PSKH1: variants seen among roughly 807,000 people sequenced by gnomAD.
PSKH1 encodes protein serine kinase H1.
A neutral mutation model predicts 26.7 loss-of-function variants in PSKH1; 12 were observed. That is an observed-to-expected ratio of 0.45 (90% CI 0.29 to 0.73). PSKH1 has a LOEUF of 0.73. Ranked by LOEUF, PSKH1 falls within the 30% of genes least tolerant of loss-of-function variation. The probability of loss-of-function intolerance (pLI) is 0.11; values close to 1 mark genes in which losing one functional copy is unlikely to be tolerated. For synonymous variants in PSKH1, 213 were observed against 234.3 expected (o/e 0.91, Z 0.83); for missense variants, 431 against 595.2 (o/e 0.72, Z 2.87).
intron 1 of PSKH1, among the ~76,000 whole-genome samples, chr16:67,897,170 A>G (rs1404440272): frequency 6.6e-6 from 1 of 152,210 alleles, no homozygotes; most frequent in Non-Finnish European, 1.5e-5. Flanking sequence ...CAATAGTATC[A>G]TTCTATCATT....
At chr16:67,894,360 G>T (rs894929486) in intron 1 of PSKH1, among the ~76,000 whole-genome samples, 3 of 152,138 alleles carry the variant, frequency 2.0e-5, no homozygotes, top group African/African-American at 7.2e-5. Flanking sequence ...TGGCTTTGTT[G>T]CCAGAGCTGG....
At chr16:67,907,321 C>T (rs1272896752) in intron 1 of PSKH1, among the ~76,000 whole-genome samples, 4 of 150,326 alleles carry the variant, frequency 2.7e-5, no homozygotes, top group Admixed American at 6.7e-5. Flanking sequence ...AGTGGGGTGG[C>T]GCAGTGTCAG....
At chr16:67,900,540 A>T (rs1443503203) in intron 1 of PSKH1, among the ~76,000 whole-genome samples, 1 of 152,148 alleles carries the variant, frequency 6.6e-6, no homozygotes, top group Non-Finnish European at 1.5e-5. Context: ...GCACTGCTGG[A>T]GTCTTTCCGG....
intron 2 of PSKH1, among the ~76,000 whole-genome samples, chr16:67,925,031 T>G (rs1214400984): frequency 6.6e-6 from 1 of 152,108 alleles, no homozygotes; most frequent in African/African-American, 2.4e-5. Context: ...TCTTGAACTC[T>G]TGGGCTCAAG....
intron 2 of PSKH1, among the ~76,000 whole-genome samples, chr16:67,914,951 C>T (rs571686089): frequency 1.3e-5 from 2 of 152,240 alleles, no homozygotes; most frequent in South Asian, 4.1e-4. Context: ...GTAGGTTTGC[C>T]TGAGTTCCTG....
At chr16:67,916,912 C>T (rs2151313847) in intron 2 of PSKH1, among the ~76,000 whole-genome samples, 1 of 152,232 alleles carries the variant, frequency 6.6e-6, no homozygotes, top group South Asian at 2.1e-4. Flanking sequence ...ACCATCCTGG[C>T]ACTCCAGATC....
chr16:67,907,983 A>G (rs1363132984), intron 1 of PSKH1, among the ~76,000 whole-genome samples: 1 of 152,196 alleles, frequency 6.6e-6, no homozygotes, highest in Non-Finnish European at 1.5e-5. Context: ...AAGATGAGTC[A>G]AGAGTAATAA....
At chr16:67,923,551 C>G (rs924677618) in intron 2 of PSKH1, among the ~76,000 whole-genome samples, 4 of 152,242 alleles carry the variant, frequency 2.6e-5, no homozygotes, top group Non-Finnish European at 5.9e-5. Context: ...GATCCCAGAG[C>G]AAGGGAAGAC....
chr16:67,904,268 C>T (rs564046652), intron 1 of PSKH1, among the ~76,000 whole-genome samples: 79 of 151,972 alleles, frequency 5.2e-4, no homozygotes, highest in African/African-American at 1.8e-3. Flanking sequence ...GTGGCGCGAT[C>T]TTGGTGGCTC....
In PSKH1 at chr16:67,909,692, A is replaced by G. The variant is rs767617738; in HGVS notation, c.943A>G (p.Ser315Gly). The stretch of plus-strand genomic sequence containing the variant: ...CCGGCAGATCCTCAGGGGCAAGTAC[A>G]GTTACTCTGGGGAGGTGAGTCTGTC... ...LYRQILRGKYSYSGEPWPSVS... is the reference protein window; with the variant it reads ...LYRQILRGKYGYSGEPWPSVS... Residue 315 changes from serine to glycine, a missense_variant, in exon 2 of 3, where the codon AGT becomes GGT. Physicochemically the swap from Ser to Gly is moderately conservative, Grantham distance 56. Coordinates refer to ENST00000291041, the MANE Select transcript of PSKH1 (RefSeq NM_006742.3). This position sits in a 1 kb window ranked among gnomAD's most constrained non-coding sequence, Gnocchi z 7.8. 47 of 1,611,438 alleles carry G rather than the reference A, an allele frequency of 2.9e-5. No individual in the cohort carries two copies. The highest frequency in any genetic ancestry group is 4.0e-5 in the Non-Finnish European group (47 of 1,179,808).
At position 67,905,323 on chromosome 16, in the gene PSKH1, C is replaced by T. The variant is rs1015107772; in HGVS notation, c.-70-3357C>T. ...CTTCTATAACTTCATCTCCACATCC[C>T]TGCCTTTGTACCACCAAACTGCCCA... is the stretch of plus-strand genomic sequence containing the variant. On this transcript the variant is annotated intron_variant, in intron 1 of 2. Transcript: ENST00000291041. 7.9e-5 allele frequency among the ~76,000 whole-genome samples: 12 copies of T among 152,132 alleles called. No individual in the cohort carries two copies. The South Asian group carries it at 8.3e-4, about 10-fold the overall frequency.
chr16:67,909,217 C>A lies in PSKH1; in HGVS notation c.468C>A (p.Ile156=). ...GTCGGGTGCGTCATGCCAACATCATCCAGCTGGTGGAGGTGTTCGAGACAC... is the reference window on the plus strand; with the variant it reads ...GTCGGGTGCGTCATGCCAACATCATACAGCTGGTGGAGGTGTTCGAGACAC... ...VLRRVRHANI[I]QLVEVFETQE... is the part of the protein sequence containing the mutation. Residue 156 remains isoleucine, a synonymous_variant, in exon 2 of 3, where the codon ATC becomes ATA. Coordinates refer to ENST00000291041, the MANE Select transcript of PSKH1 (RefSeq NM_006742.3). This position sits in a 1 kb window ranked among gnomAD's most constrained non-coding sequence, Gnocchi z 7.8. 1 of 1,614,118 alleles carries A rather than the reference C, an allele frequency of 6.2e-7. No homozygotes were observed. Among genetic ancestry groups the A allele is most frequent in the South Asian group, 1.1e-5 (1 of 91,072 alleles).
intron 2 of PSKH1, among the ~76,000 whole-genome samples, chr16:67,920,588 C>T (rs892990769): frequency 6.6e-6 from 1 of 152,192 alleles, no homozygotes; most frequent in Non-Finnish European, 1.5e-5. Context: ...TCATAGCATC[C>T]CATGCTCATC....
rs781555369 is a variant in PSKH1, at chr16:67,927,310, G to A, written c.958-15G>A. The A allele has an allele frequency of 1.2e-5, 19 of 1,593,118 alleles. No homozygotes were observed. The Admixed American group carries it at 2.9e-4, about 24-fold the overall frequency. On this transcript the variant is annotated splice_polypyrimidine_tract_variant and intron_variant, in intron 2 of 2. Coordinates refer to ENST00000291041, the MANE Select transcript of PSKH1 (RefSeq NM_006742.3). This position sits in a 1 kb window ranked among gnomAD's most constrained non-coding sequence, Gnocchi z 5.5. ...GTCAGATGCTCTCACTCTAATGCTTGTCCTTGGTCTCTAGCCCTGGCCTAG... is the reference window on the plus strand; with the variant it reads ...GTCAGATGCTCTCACTCTAATGCTTATCCTTGGTCTCTAGCCCTGGCCTAG...
chr16:67,914,494 G>A (rs1479452304), intron 2 of PSKH1, among the ~76,000 whole-genome samples: 4 of 149,236 alleles, frequency 2.7e-5, no homozygotes, highest in East Asian at 3.9e-4. Flanking sequence ...TCGCTCTGTC[G>A]CCCAGGCTGG....
intron 1 of PSKH1, among the ~76,000 whole-genome samples, chr16:67,901,206 C>T (rs1008545414): frequency 6.6e-6 from 1 of 152,052 alleles, no homozygotes; most frequent in Non-Finnish European, 1.5e-5. Context: ...GTGGAGTACC[C>T]GCATCAGCCT....
chr16:67,927,734 A>C lies in PSKH1; in HGVS notation c.*92A>C, dbSNP rs534395326. 7.3e-7 allele frequency: 1 copy of C among 1,378,948 alleles called. No homozygotes were observed. Among genetic ancestry groups the C allele is most frequent in the Non-Finnish European group, 9.7e-7 (1 of 1,026,940 alleles). The allele number at this position is 1,378,948 out of a possible 1,614,324, so 85.4% of individuals were successfully genotyped here. A position where few individuals can be genotyped will look rare whatever the true frequency, so the allele number is the denominator to read the frequency against. On this transcript the variant is annotated 3_prime_UTR_variant, in exon 3 of 3. Coordinates refer to ENST00000291041, the MANE Select transcript of PSKH1 (RefSeq NM_006742.3). The surrounding 1 kb of genome is among the most constrained non-coding windows in gnomAD (Gnocchi z 5.5). ...CGATGCCCTCTCTGGAGATAGGCCT[A>C]TGTGGCCCACAGTAGGTGAAGAATG...
At position 67,909,372 on chromosome 16, in the gene PSKH1, A is replaced by G; in HGVS notation, c.623A>G (p.Tyr208Cys). 6.2e-7 allele frequency: 1 copy of G among 1,613,922 alleles called. No homozygotes were observed. The highest frequency in any genetic ancestry group is 2.2e-5 in the East Asian group (1 of 44,864). The stretch of plus-strand genomic sequence containing the variant: ...CAGATGGTGCTGGATGGCGTCCGGT[A>G]TCTGCATGCACTGGGCATCACACAC... ...VLQMVLDGVRYLHALGITHRD... is the reference protein window; with the variant it reads ...VLQMVLDGVRCLHALGITHRD... The change falls in exon 2 of 3, where the codon TAT (tyrosine) becomes TGT (cysteine). Residue 208 changes from tyrosine to cysteine, a missense_variant. Coordinates refer to ENST00000291041, the MANE Select transcript of PSKH1 (RefSeq NM_006742.3). The surrounding 1 kb of genome is among the most constrained non-coding windows in gnomAD (Gnocchi z 7.8).
chr16:67,921,425 A>G (rs1299662465), intron 2 of PSKH1, among the ~76,000 whole-genome samples: 1 of 151,980 alleles, frequency 6.6e-6, no homozygotes, highest in Non-Finnish European at 1.5e-5. Flanking sequence ...AATACAAAAA[A>G]TTAACCAGGC....
Sources: allele counts gnomAD v4.1 joint callset (sites outside exome capture counted in the v4.1 genomes callset), GRCh38; gene constraint gnomAD v4.1.1; non-coding constraint Gnocchi (gnomAD v3.1); transcripts MANE v1.5; gene names NCBI Gene and HGNC (gene_info 2026-07-23, HGNC 2026-07-21).